THSD7B: variants seen among roughly 807,000 people sequenced by gnomAD.
THSD7B encodes the protein thrombospondin type-1 domain-containing protein 7B.
Under a neutral mutation model 213.6 loss-of-function variants are expected in THSD7B, and 138 were observed. The ratio of observed to expected loss-of-function variants is 0.65; its 90% CI spans 0.56 to 0.74. The LOEUF is 0.74. THSD7B is among the 30% of genes least tolerant of loss of function. The pLI is 0.00. For synonymous variants in THSD7B, 742 were observed against 687.0 expected, an observed-to-expected ratio of 1.08 and a Z score of -1.25; for missense variants, 1,931 against 1,991.5, an observed-to-expected ratio of 0.97 and a Z score of 0.58.
chr2:137,484,117 C>T (rs1459486416), intron 15 of THSD7B, among the ~76,000 whole-genome samples: 1 of 150,696 alleles, frequency 6.6e-6, no homozygotes, highest in African/African-American at 2.5e-5. Flanking sequence ...TGTGCTGCAC[C>T]CATTACCTCG....
At chr2:137,584,184 A>AT (rs200650899) in intron 17 of THSD7B, among the ~76,000 whole-genome samples, 19,399 of 152,144 alleles carry the variant, frequency 0.13, 1,388 homozygotes, top group South Asian at 0.22. Context: ...TTGCACATTG[A>AT]TTTTGTATCC....
At chr2:136,992,277 G>A (rs1253722560) in intron 2 of THSD7B, among the ~76,000 whole-genome samples, 1 of 152,220 alleles carries the variant, frequency 6.6e-6, no homozygotes, top group East Asian at 1.9e-4. Flanking sequence ...TCTCTTAGCA[G>A]AACTTGTACT....
chr2:136,925,444 C>A (rs1200664581), intron 2 of THSD7B, among the ~76,000 whole-genome samples: 6 of 152,024 alleles, frequency 3.9e-5, no homozygotes, highest in Non-Finnish European at 8.8e-5. Context: ...AAATTTTTGT[C>A]CTTCATTTTG....
chr2:137,013,809 A>G (rs1686284083), intron 2 of THSD7B, among the ~76,000 whole-genome samples: 1 of 152,174 alleles, frequency 6.6e-6, no homozygotes, highest in African/African-American at 2.4e-5. Flanking sequence ...TGGGCCTACC[A>G]GGTGACTTCC....
At chr2:136,838,784 G>T (rs186459756) in intron 1 of THSD7B, among the ~76,000 whole-genome samples, 1 of 152,088 alleles carries the variant, frequency 6.6e-6, no homozygotes, top group African/African-American at 2.4e-5. Flanking sequence ...GACCTGATTT[G>T]CATGTGCTTT....
intron 12 of THSD7B, among the ~76,000 whole-genome samples, chr2:137,382,212 G>A (rs1283696891): frequency 6.6e-6 from 1 of 152,144 alleles, no homozygotes; most frequent in African/African-American, 2.4e-5. Flanking sequence ...AGTGCTATAT[G>A]CCTAGCCCCA....
At chr2:137,106,277 CACAA>C (rs202113005) in intron 4 of THSD7B, among the ~76,000 whole-genome samples, 3,448 of 152,234 alleles carry the variant, frequency 0.023, 141 homozygotes, top group African/African-American at 0.079. Context: ...ACAAACCTGA[CACAA>C]ACAAGCAATG....
At chr2:137,106,035 G>GA (rs1688241576) in intron 4 of THSD7B, among the ~76,000 whole-genome samples, 1 of 152,078 alleles carries the variant, frequency 6.6e-6, no homozygotes. Flanking sequence ...CACAGAATTA[G>GA]AAAAAACTAC....
chr2:137,143,703 G>A (rs184439097), intron 5 of THSD7B, among the ~76,000 whole-genome samples: 1 of 152,164 alleles, frequency 6.6e-6, no homozygotes, highest in East Asian at 1.9e-4. Flanking sequence ...GACCTTTCAT[G>A]CATGCCTCTA....
chr2:136,915,804 C>T (rs2658999), intron 2 of THSD7B, among the ~76,000 whole-genome samples: 150,036 of 152,302 alleles, frequency 0.99, 73,950 homozygotes, highest in East Asian at 1. Context: ...AAGTCCTTGA[C>T]AGTTTTTGGA....
chr2:137,532,455 C>T (rs1353445794), intron 15 of THSD7B, among the ~76,000 whole-genome samples: 1 of 151,758 alleles, frequency 6.6e-6, no homozygotes, highest in Non-Finnish European at 1.5e-5. Context: ...TTTTGTAACT[C>T]ATTAAATTCC....
rs370934220 is a variant in THSD7B at position 137,656,944 on chromosome 2, G to A, written c.4254G>A (p.Gln1418=). ...SFENQDSCPQ[Q]VLETRPCTGG... is the part of the protein sequence containing the mutation. Reference sequence around the variant, plus strand: ...AGAACCAAGACAGCTGCCCCCAACAGGTTCTAGAAACACGCCCTTGTACAG... The same window carrying A: ...AGAACCAAGACAGCTGCCCCCAACAAGTTCTAGAAACACGCCCTTGTACAG... Residue 1418 remains glutamine (Q), a synonymous_variant, in exon 23 of 28, where the codon CAG becomes CAA. Coordinates refer to ENST00000409968, the MANE Select transcript of THSD7B (RefSeq NM_001316349.2). 1.2e-6 allele frequency: 2 copies of A among 1,613,974 alleles called. No homozygotes were observed. The highest frequency in any genetic ancestry group is 1.7e-6 in the Non-Finnish European group (2 of 1,179,874).
At chr2:137,201,270 T>TGTGTGC (rs1680869700) in intron 7 of THSD7B, among the ~76,000 whole-genome samples, 1 of 152,164 alleles carries the variant, frequency 6.6e-6, no homozygotes, top group African/African-American at 2.4e-5. Context: ...TTCTGGGGTG[T>TGTGTGC]GTGTGCATGT....
intron 2 of THSD7B, among the ~76,000 whole-genome samples, chr2:136,971,504 T>TA (rs1220897968): frequency 6.6e-6 from 1 of 151,644 alleles, no homozygotes; most frequent in African/African-American, 2.4e-5. Context: ...TCTAAGCAAA[T>TA]AAAAAAGCAT....
At chr2:137,308,202 T>C (rs925876451) in intron 12 of THSD7B, among the ~76,000 whole-genome samples, 1 of 152,080 alleles carries the variant, frequency 6.6e-6, no homozygotes. Context: ...ACTTCAGTCC[T>C]AGCGATGATG....
intron 10 of THSD7B, among the ~76,000 whole-genome samples, chr2:137,267,122 G>A (rs76927832): frequency 0.027 from 4,069 of 152,198 alleles, 106 homozygotes; most frequent in Middle Eastern, 0.092. Flanking sequence ...TGTGCTTTCT[G>A]TGGTAAATAT....
At chr2:137,235,206 T>C (rs990657182) in intron 9 of THSD7B, among the ~76,000 whole-genome samples, 6 of 152,168 alleles carry the variant, frequency 3.9e-5, no homozygotes, top group Non-Finnish European at 4.4e-5. Flanking sequence ...TTTTATGACC[T>C]GAATTTTCAA....
In THSD7B at chr2:137,057,015, T is replaced by C; in HGVS notation, c.735T>C (p.Val245=). 6.2e-7 allele frequency: 1 copy of C among 1,613,964 alleles called. No individual in the cohort carries two copies. The highest frequency in any genetic ancestry group is 2.2e-5 in the East Asian group (1 of 44,864). ...AGGAATATACATTTAGCCTTAAGGT[T>C]GGACCATGGAGTAAATGCAGACTGC... ...GEEEYTFSLK[V]GPWSKCRLPH... Residue 245 remains valine, a synonymous_variant, in exon 3 of 28, where the codon GTT becomes GTC. Transcript: ENST00000409968.
intron 1 of THSD7B, among the ~76,000 whole-genome samples, chr2:136,794,263 A>T (rs957471911): frequency 6.6e-5 from 10 of 151,250 alleles, no homozygotes; most frequent in East Asian, 2.0e-4. Context: ...TAAATTTCAA[A>T]TTTTTTTTAT....
Sources: gnomAD v4.1 joint callset for allele counts (sites outside exome capture counted in the v4.1 genomes callset) on GRCh38, gnomAD v4.1.1 for gene constraint, MANE v1.5 for transcripts, NCBI Gene and HGNC (gene_info 2026-07-23, HGNC 2026-07-21) for gene names.